Variants in PTPRN2 observed in about 807,000 individuals in gnomAD.
The protein encoded by PTPRN2 is protein tyrosine phosphatase receptor type N2, also known as receptor-type tyrosine-protein phosphatase N2.
A neutral mutation model predicts 118.8 loss-of-function variants in PTPRN2; 74 were observed. The ratio of observed to expected loss-of-function variants is 0.62; its 90% CI spans 0.52 to 0.76. PTPRN2 has a LOEUF of 0.76. Ranked by LOEUF, PTPRN2 falls within the 30% of genes least tolerant of loss-of-function variation. The pLI is 0.00. For synonymous variants in PTPRN2, 641 were observed against 608.0 expected (o/e 1.05, Z -0.80); for missense variants, 1,481 against 1,394.4 (o/e 1.06, Z -0.99).
intron 11 of PTPRN2, among the ~76,000 whole-genome samples, chr7:157,988,354 C>T (rs1803967889): frequency 6.6e-6 from 1 of 152,298 alleles, no homozygotes; most frequent in East Asian, 1.9e-4. Flanking sequence ...CCCAGGCGTG[C>T]CCCCAGCTCT....
chr7:158,392,855 C>T (rs563360298), intron 2 of PTPRN2, among the ~76,000 whole-genome samples: 1 of 152,260 alleles, frequency 6.6e-6, no homozygotes, highest in African/African-American at 2.4e-5. Flanking sequence ...TATGTCTCAC[C>T]CCAGGCAGCC....
chr7:158,550,074 T>A (rs557348568), intron 1 of PTPRN2, among the ~76,000 whole-genome samples: 1 of 152,068 alleles, frequency 6.6e-6, no homozygotes, highest in Non-Finnish European at 1.5e-5. Flanking sequence ...AGAGCACACA[T>A]CCTCAGAGCC....
At chr7:158,283,494 G>A (rs1799568874) in intron 3 of PTPRN2, among the ~76,000 whole-genome samples, 1 of 152,210 alleles carries the variant, frequency 6.6e-6, no homozygotes, top group African/African-American at 2.4e-5. Flanking sequence ...AGGGACGGGA[G>A]CTCTGACTGG....
At chr7:158,004,140 A>G (rs1043072623) in intron 11 of PTPRN2, among the ~76,000 whole-genome samples, 7 of 147,368 alleles carry the variant, frequency 4.8e-5, no homozygotes, top group Non-Finnish European at 7.5e-5. Context: ...CCAGTGCCCA[A>G]TTTGGGAGTA....
intron 3 of PTPRN2, among the ~76,000 whole-genome samples, chr7:158,277,294 G>A (rs559094342): frequency 7.1e-4 from 108 of 152,256 alleles, no homozygotes; most frequent in Admixed American, 1.6e-3. Context: ...CACTCTGTTC[G>A]CCATTCGGTC....
chr7:158,437,719 T>A (rs1451029340), intron 2 of PTPRN2, among the ~76,000 whole-genome samples: 1 of 152,188 alleles, frequency 6.6e-6, no homozygotes, highest in Non-Finnish European at 1.5e-5. Context: ...TTTCATCTCT[T>A]CAGCATTATG....
intron 22 of PTPRN2, among the ~76,000 whole-genome samples, chr7:157,544,884 G>A (rs1248393218): frequency 6.6e-6 from 1 of 151,622 alleles, no homozygotes; most frequent in Non-Finnish European, 1.5e-5. Context: ...CATCGTGTGT[G>A]GGTGTGTAGG....
rs549584823 is a variant in PTPRN2 at position 158,433,042 on chromosome 7, A to T, written c.163+56693T>A. On this transcript the variant is annotated intron_variant, in intron 2 of 22. Transcript: ENST00000389418. ...GTTTGAACTGTAGGTCCGTGGAATC[A>T]CACTCTCTGCTCTCCTGAATCCGGC... Among the ~76,000 whole-genome samples, 6 of 152,286 alleles carry T rather than the reference A, an allele frequency of 3.9e-5. No homozygotes were observed. The South Asian group carries it at 1.2e-3, about 32-fold the overall frequency.
chr7:158,263,120 C>CAT, intron 3 of PTPRN2, among the ~76,000 whole-genome samples: 1 of 56,500 alleles, frequency 1.8e-5, no homozygotes, highest in East Asian at 4.4e-4. Context: ...ACACTGCACA[C>CAT]ACATACACAT....
At chr7:157,774,274 A>G (rs570917639) in intron 12 of PTPRN2, among the ~76,000 whole-genome samples, 20 of 152,374 alleles carry the variant, frequency 1.3e-4, no homozygotes, top group Non-Finnish European at 2.2e-4. Context: ...TGCGCTGAAT[A>G]GAATATGCAC....
chr7:157,761,681 T>C (rs1326440159), intron 12 of PTPRN2, among the ~76,000 whole-genome samples: 3 of 148,608 alleles, frequency 2.0e-5, no homozygotes, highest in African/African-American at 5.1e-5. Flanking sequence ...ATTCAGGACA[T>C]AGGCATGGGC....
Position 157,609,647 on chromosome 7 carries a change from T to A in PTPRN2, c.2345-5572A>T, listed in dbSNP as rs1585103009. Among the ~76,000 whole-genome samples the A allele has an allele frequency of 6.6e-6, 1 of 152,278 alleles. No individual in the cohort carries two copies. Among genetic ancestry groups the A allele is most frequent in the East Asian group, 1.9e-4 (1 of 5,158 alleles). ...CCCACTGCTTGCCAGCGGGCGATCCTGGGTAAACTGTTCAGTGTTCGGAGA... is the reference window on the plus strand; with the variant it reads ...CCCACTGCTTGCCAGCGGGCGATCCAGGGTAAACTGTTCAGTGTTCGGAGA... On this transcript the variant is annotated intron_variant, in intron 15 of 22. Transcript: ENST00000389418. The surrounding 1 kb of genome is among the most constrained non-coding windows in gnomAD (Gnocchi z 4.9).
chr7:157,696,176 G>C (rs1429387801), intron 12 of PTPRN2, among the ~76,000 whole-genome samples: 61 of 61,736 alleles, frequency 9.9e-4, no homozygotes, highest in Admixed American at 1.3e-3. Flanking sequence ...TGGGTCTTGG[G>C]AGAGCCCTCA....
chr7:158,232,818 G>A (rs952692927), intron 3 of PTPRN2, among the ~76,000 whole-genome samples: 4 of 151,962 alleles, frequency 2.6e-5, no homozygotes, highest in African/African-American at 9.7e-5. Context: ...ACAGAATTAA[G>A]AACAAAACTA....
At chr7:158,390,525 G>A (rs779955241) in intron 2 of PTPRN2, among the ~76,000 whole-genome samples, 6 of 152,140 alleles carry the variant, frequency 3.9e-5, no homozygotes, top group African/African-American at 1.4e-4. Flanking sequence ...CTCCAGCCTC[G>A]CAGTAGGACC....
chr7:157,968,909 A>T (rs1345550536), intron 11 of PTPRN2, among the ~76,000 whole-genome samples: 1 of 152,220 alleles, frequency 6.6e-6, no homozygotes. Context: ...CACATTTCCC[A>T]TGGGCGATGG....
intron 12 of PTPRN2, among the ~76,000 whole-genome samples, chr7:157,895,050 C>CCG (rs781544570): frequency 6.6e-6 from 1 of 150,944 alleles, no homozygotes; most frequent in East Asian, 2.0e-4. Flanking sequence ...AAGAGGACCC[C>CCG]TCCCCCACAG....
Position 158,473,603 on chromosome 7 carries a change from G to A in PTPRN2, c.163+16132C>T, listed in dbSNP as rs114922697. On this transcript the variant is annotated intron_variant, in intron 2 of 22. Transcript: ENST00000389418. ...AAGGTTTCCCGGCTCTCTGAGCAGC[G>A]GGTGCTTCGTAAACTGCAAAAACAC... 4.1e-3 allele frequency among the ~76,000 whole-genome samples: 628 copies of A among 152,260 alleles called. 5 individuals are homozygous for A. The highest frequency in any genetic ancestry group is 0.014 in the African/African-American group (596 of 41,556).
intron 14 of PTPRN2, among the ~76,000 whole-genome samples, chr7:157,650,563 C>T (rs1174406926): frequency 6.6e-6 from 1 of 152,180 alleles, no homozygotes; most frequent in Non-Finnish European, 1.5e-5. Flanking sequence ...GAACGGCCAG[C>T]CCAGCCGCGT....
Sources: gnomAD v4.1 joint callset for allele counts (sites outside exome capture counted in the v4.1 genomes callset) on GRCh38, gnomAD v4.1.1 for gene constraint, Gnocchi (gnomAD v3.1) non-coding constraint, MANE v1.5 for transcripts, NCBI Gene and HGNC (gene_info 2026-07-23, HGNC 2026-07-21) for gene names.